ANOS1: variants seen among roughly 807,000 people sequenced by gnomAD.
ANOS1 encodes anosmin 1, also known as anosmin-1.
ANOS1 carries 6 observed loss-of-function variants against 59.0 expected under a neutral mutation model. The ratio of observed to expected loss-of-function variants is 0.10; its 90% CI spans 0.06 to 0.20. The LOEUF (loss-of-function observed/expected upper bound fraction) is 0.20, where lower values mean the gene tolerates loss of function less well. ANOS1 is among the 10% of genes least tolerant of loss of function. The probability of loss-of-function intolerance (pLI) is 1.00; values close to 1 mark genes in which losing one functional copy is unlikely to be tolerated. For synonymous variants in ANOS1, 217 were observed against 223.4 expected, an observed-to-expected ratio of 0.97 and a Z score of 0.25; for missense variants, 433 against 542.3, an observed-to-expected ratio of 0.80 and a Z score of 2.00.
chrX:8,552,807 C>T (rs1164123154), intron 9 of ANOS1, among the ~76,000 whole-genome samples: 1 of 108,727 alleles, frequency 9.2e-6, no homozygotes, highest in Non-Finnish European at 1.9e-5. Context: ...AAATACTTTT[C>T]TTATTTAATA....
intron 9 of ANOS1, among the ~76,000 whole-genome samples, chrX:8,546,753 A>T (rs1011578399): frequency 1.8e-5 from 2 of 112,086 alleles, no homozygotes; most frequent in Admixed American, 1.9e-4. Flanking sequence ...CCCATGAAAC[A>T]TATCATAATT....
intron 1 of ANOS1, among the ~76,000 whole-genome samples, chrX:8,730,591 C>A (rs867962517): frequency 2.8e-5 from 2 of 72,360 alleles, no homozygotes; most frequent in Non-Finnish European, 5.4e-5. Context: ...CCCCCCCCCC[C>A]ACCCCTTGAC....
At chrX:8,539,325 T>C (rs1041197206) in intron 10 of ANOS1, among the ~76,000 whole-genome samples, 16 of 109,721 alleles carry the variant, frequency 1.5e-4, no homozygotes, top group Non-Finnish European at 2.8e-4. Flanking sequence ...CATGTCAAAA[T>C]TCAGAAAATA....
chrX:8,714,521 C>T (rs1259578621), intron 1 of ANOS1, among the ~76,000 whole-genome samples: 2 of 111,223 alleles, frequency 1.8e-5, no homozygotes, highest in African/African-American at 6.5e-5. Context: ...ATTGAAAAAA[C>T]GTACCGTGCC....
intron 8 of ANOS1, among the ~76,000 whole-genome samples, chrX:8,557,563 C>T (rs780508097): frequency 1.8e-5 from 2 of 112,191 alleles, no homozygotes; most frequent in Admixed American, 9.4e-5. Flanking sequence ...GGCCAATAAA[C>T]GTATGAAAAA....
chrX:8,716,745 C>T (rs956940987), intron 1 of ANOS1, among the ~76,000 whole-genome samples: 2 of 111,726 alleles, frequency 1.8e-5, no homozygotes, highest in African/African-American at 3.3e-5. Flanking sequence ...GCAACACCAG[C>T]GCCTAGCAAA....
At chrX:8,623,409 C>A (rs766693415) in intron 3 of ANOS1, among the ~76,000 whole-genome samples, 199 bp downstream of exon 3, 20 of 110,456 alleles carry the variant, frequency 1.8e-4, no homozygotes, top group Non-Finnish European at 3.4e-4. Context: ...TCTGGTTAGC[C>A]AATAATGCAA....
chrX:8,707,380 TG>T (rs1368166697), intron 1 of ANOS1, among the ~76,000 whole-genome samples: 1 of 112,205 alleles, frequency 8.9e-6, no homozygotes, highest in African/African-American at 3.2e-5. Context: ...CTTCTCTGGA[TG>T]GAGCTTTTAA....
intron 2 of ANOS1, among the ~76,000 whole-genome samples, chrX:8,647,956 T>C (rs1213532486): frequency 8.9e-6 from 1 of 112,151 alleles, no homozygotes; most frequent in East Asian, 2.8e-4. Flanking sequence ...CACAAAGCAT[T>C]TGAAATCCAG....
chrX:8,638,975 T>C (rs779546801), intron 2 of ANOS1, among the ~76,000 whole-genome samples: 1 of 111,420 alleles, frequency 9.0e-6, no homozygotes, highest in South Asian at 3.8e-4. Flanking sequence ...GTACGTTTCC[T>C]TTATCAGAGA....
intron 2 of ANOS1, among the ~76,000 whole-genome samples, chrX:8,637,828 G>T (rs1285548852): frequency 1.8e-5 from 2 of 112,385 alleles, no homozygotes; most frequent in African/African-American, 6.5e-5. Context: ...ATTAGGTTAT[G>T]CTCATCAATA....
At chrX:8,680,334 G>A in intron 2 of ANOS1, among the ~76,000 whole-genome samples, 1 of 108,625 alleles carries the variant, frequency 9.2e-6, no homozygotes, top group South Asian at 4.0e-4. Context: ...TGTATGGTGT[G>A]ATTTTTTTAC....
chrX:8,548,529 G>A (rs1269151293), intron 9 of ANOS1, among the ~76,000 whole-genome samples: 1 of 111,996 alleles, frequency 8.9e-6, no homozygotes, highest in East Asian at 2.8e-4. Context: ...GAGGGCATGA[G>A]TTGAAATGGC....
chrX:8,720,253 AC>A (rs1319725716), intron 1 of ANOS1, among the ~76,000 whole-genome samples: 2 of 111,465 alleles, frequency 1.8e-5, no homozygotes, highest in Non-Finnish European at 3.8e-5. Context: ...CACATGTCCC[AC>A]CAACATACAC....
intron 4 of ANOS1, among the ~76,000 whole-genome samples, chrX:8,593,894 T>G (rs1247091966): frequency 9.0e-6 from 1 of 111,494 alleles, no homozygotes; most frequent in Non-Finnish European, 1.9e-5. Context: ...CAGGCTACTC[T>G]TGAACTCCTG....
At chrX:8,569,618 A>G (rs751390262) in intron 7 of ANOS1, among the ~76,000 whole-genome samples, 9 of 112,129 alleles carry the variant, frequency 8.0e-5, no homozygotes, top group African/African-American at 1.6e-4. Flanking sequence ...CTCCAGTCTG[A>G]GAGACAGAGC....
At chrX:8,601,707 T>C (rs769375029) in intron 3 of ANOS1, among the ~76,000 whole-genome samples, 3 of 112,308 alleles carry the variant, frequency 2.7e-5, no homozygotes, top group Non-Finnish European at 5.6e-5. Flanking sequence ...GACTGGTTTA[T>C]AATCTTGAAA....
chrX:8,712,304 TA>T (rs1414562202), intron 1 of ANOS1, among the ~76,000 whole-genome samples: 2 of 112,176 alleles, frequency 1.8e-5, no homozygotes, highest in Non-Finnish European at 3.8e-5. Flanking sequence ...CATATTGGAT[TA>T]GGGGCCTACC....
chrX:8,585,163 G>T, intron 6 of ANOS1, 104 bp downstream of exon 6: 1 of 940,551 alleles, frequency 1.1e-6, no homozygotes, highest in Non-Finnish European at 1.5e-6. Flanking sequence ...AAAGCCACCT[G>T]TTGACTAACT....
Sources: allele counts gnomAD v4.1 joint callset (sites outside exome capture counted in the v4.1 genomes callset), GRCh38; gene constraint gnomAD v4.1.1; transcripts MANE v1.5; gene names NCBI Gene and HGNC (gene_info 2026-07-23, HGNC 2026-07-21).